The following AGL variants were observed in gnomAD, a reference collection of about 807,000 sequenced individuals.
AGL encodes the protein glycogen debranching enzyme.
A neutral mutation model predicts 199.3 loss-of-function variants in AGL; 128 were observed. The ratio of observed to expected loss-of-function variants is 0.64; its 90% CI spans 0.56 to 0.74. The LOEUF is 0.74. Ranked by LOEUF, AGL falls within the 30% of genes least tolerant of loss-of-function variation. The probability of loss-of-function intolerance (pLI) is 0.00; values close to 1 mark genes in which losing one functional copy is unlikely to be tolerated. For synonymous variants in AGL, 584 were observed against 594.7 expected, an observed-to-expected ratio of 0.98 and a Z score of 0.26; for missense variants, 1,809 against 1,820.8, an observed-to-expected ratio of 0.99 and a Z score of 0.12.
chr1:99,899,432 A>G (rs985825554), intron 25 of AGL, among the ~76,000 whole-genome samples: 3 of 152,122 alleles, frequency 2.0e-5, no homozygotes, highest in Admixed American at 1.3e-4. Context: ...AATGCTTTAA[A>G]AAATTAACTG....
At chr1:99,867,895 C>T (rs560652033) in intron 5 of AGL, among the ~76,000 whole-genome samples, 1 of 152,272 alleles carries the variant, frequency 6.6e-6, no homozygotes, top group South Asian at 2.1e-4. Flanking sequence ...CCCCTACTTG[C>T]AGAGCTGACA....
At chr1:99,874,852 A>G (rs1402814916) in intron 8 of AGL, 42 bp downstream of exon 8, 1 of 1,597,874 alleles carries the variant, frequency 6.3e-7, no homozygotes, top group Non-Finnish European at 8.6e-7. Flanking sequence ...AATATTACTT[A>G]CAAACCTTTA....
rs1652909398 is a variant in AGL at position 99,891,651 on chromosome 1, C to T, written c.2995C>T (p.Pro999Ser). ...QAMFFYLKQI[P>S]RYLIPCYFDA... ...TATGTTCTTCTACCTGAAGCAGATC[C>T]CACGTTACCTTATCCCATGTTACTT... The change falls in exon 23 of 34, where the codon CCA (proline) becomes TCA (serine). Residue 999 changes from proline (P) to serine (S), a missense_variant. Pro to Ser is a moderately conservative substitution (Grantham distance 74, BLOSUM62 -1). Transcript: ENST00000361915. 2 of 1,613,420 alleles carry T rather than the reference C, an allele frequency of 1.2e-6. No homozygotes were observed. Among genetic ancestry groups the T allele is most frequent in the Admixed American group, 1.7e-5 (1 of 59,956 alleles).
chr1:99,856,388 CTCCCTCCT>C (rs1649457836), intron 2 of AGL, among the ~76,000 whole-genome samples: 1 of 132,896 alleles, frequency 7.5e-6, no homozygotes, highest in Non-Finnish European at 1.6e-5. Flanking sequence ...TCCTCCCTCC[CTCCCTCCT>C]TCCTTCTTTC....
At chr1:99,908,023 TAA>T (rs1654451908) in intron 27 of AGL, among the ~76,000 whole-genome samples, 1 of 152,180 alleles carries the variant, frequency 6.6e-6, no homozygotes, top group Non-Finnish European at 1.5e-5. Flanking sequence ...TGATTTTGAT[TAA>T]GTCCAATTTA....
chr1:99,915,687 C>T (rs998839110), intron 31 of AGL, among the ~76,000 whole-genome samples: 1 of 151,836 alleles, frequency 6.6e-6, no homozygotes, highest in Non-Finnish European at 1.5e-5. Flanking sequence ...AGGAGTATCA[C>T]TTGAGCCCAG....
At chr1:99,878,239 G>A (rs530516733) in intron 12 of AGL, among the ~76,000 whole-genome samples, 1 of 152,096 alleles carries the variant, frequency 6.6e-6, no homozygotes, top group African/African-American at 2.4e-5. Context: ...CAGCTACTCG[G>A]GCGGCTGAGG....
chr1:99,888,026 A>G lies in AGL; in HGVS notation c.2730A>G (p.Arg910=). The change falls in exon 21 of 34, where the codon CGA becomes CGG. Residue 910 remains arginine, a synonymous_variant. Transcript: ENST00000361915. The part of the protein sequence containing the change: ...TLAELNQILY[R]CESEEKEDGG... ...CTGAGCTAAATCAGATCCTTTACCG[A>G]TGTGAATCAGAAGAAAAGGAAGATG... 1 of 1,613,558 alleles carries G rather than the reference A, an allele frequency of 6.2e-7. No homozygotes were observed. The highest frequency in any genetic ancestry group is 8.5e-7 in the Non-Finnish European group (1 of 1,179,666).
intron 2 of AGL, among the ~76,000 whole-genome samples, chr1:99,860,496 G>C (rs1057445583): frequency 1.3e-5 from 2 of 152,106 alleles, no homozygotes; most frequent in African/African-American, 4.8e-5. Flanking sequence ...AAGGTTTAAA[G>C]TCTGCTTTAA....
rs893650939 is a variant in AGL at position 99,912,386 on chromosome 1, A to G, written c.3837-19A>G. On this transcript the variant is annotated intron_variant, in intron 28 of 33. Coordinates refer to ENST00000361915, the MANE Select transcript of AGL (RefSeq NM_000642.3). ...AAGGACGCCAACTTAAAGAATAAAA[A>G]TACGTTTTTTAATTTTAGAGATGGG... 6.2e-7 allele frequency: 1 copy of G among 1,602,506 alleles called. No individual in the cohort carries two copies. Among genetic ancestry groups the G allele is most frequent in the Non-Finnish European group, 8.5e-7 (1 of 1,169,834 alleles).
chr1:99,919,732 A>G (rs776078482), intron 33 of AGL, among the ~76,000 whole-genome samples: 1 of 152,160 alleles, frequency 6.6e-6, no homozygotes, highest in African/African-American at 2.4e-5. Flanking sequence ...TTTTCCAACA[A>G]TGAATAACCT....
chr1:99,865,295 A>G (rs144244155), intron 5 of AGL, among the ~76,000 whole-genome samples: 131 of 152,312 alleles, frequency 8.6e-4, no homozygotes, highest in African/African-American at 3.0e-3. Flanking sequence ...TGGATCCTAT[A>G]TTAGCAGGAG....
chr1:99,862,523 A>T, intron 4 of AGL, 100 bp downstream of exon 4: 1 of 1,303,070 alleles, frequency 7.7e-7, no homozygotes, highest in Admixed American at 1.8e-5. Flanking sequence ...CCATTCTCTC[A>T]TTGCAGTAAA....
rs375412979 is a variant in AGL at position 99,877,672 on chromosome 1, T to C, written c.1455T>C (p.Ile485=). 2.5e-6 allele frequency: 4 copies of C among 1,613,960 alleles called. No individual in the cohort carries two copies. The African/African-American group carries it at 5.3e-5, about 22-fold the overall frequency. The part of the protein sequence containing the change: ...GSEVYLRREL[I]CWGDSVKLRY... The stretch of plus-strand genomic sequence containing the variant: ...AAGTTTACCTAAGGAGAGAACTTAT[T>C]TGCTGGGGAGACAGTGTTAAATTAC... Residue 485 remains isoleucine (I), a synonymous_variant, in exon 12 of 34, where the codon ATT becomes ATC. Transcript: ENST00000361915.
chr1:99,913,636 A>G lies in AGL; in HGVS notation c.4059A>G (p.Pro1353=). 6.2e-7 allele frequency: 1 copy of G among 1,614,130 alleles called. No individual in the cohort carries two copies. Among genetic ancestry groups the G allele is most frequent in the Non-Finnish European group, 8.5e-7 (1 of 1,179,998 alleles). Residue 1353 remains proline (P), a synonymous_variant, in exon 30 of 34, where the codon CCA becomes CCG. Coordinates refer to ENST00000361915, the MANE Select transcript of AGL (RefSeq NM_000642.3). ...CTTCAGATTTAAATGAAAAGCATCC[A>G]AATCTGGTTCACAAACGTGGCATAT... The part of the protein sequence containing the change: ...EDPSDLNEKH[P]NLVHKRGIYK...
chr1:99,915,347 G>C (rs1031952938), intron 30 of AGL, 42 bp from the exon 31 acceptor site: 1 of 1,483,616 alleles, frequency 6.7e-7, no homozygotes, highest in African/African-American at 1.4e-5. Context: ...TAATTCTTCT[G>C]TGATCTTAAA....
intron 33 of AGL, among the ~76,000 whole-genome samples, chr1:99,916,946 T>C (rs940948325): frequency 3.0e-4 from 45 of 152,316 alleles, no homozygotes; most frequent in African/African-American, 7.9e-4. Flanking sequence ...GTCTTGATAT[T>C]GTGCGATTTA....
At chr1:99,897,350 C>G (rs1474681678) in intron 25 of AGL, among the ~76,000 whole-genome samples, 1 of 152,178 alleles carries the variant, frequency 6.6e-6, no homozygotes, top group Non-Finnish European at 1.5e-5. Flanking sequence ...CACAAGGTCT[C>G]TGGATGATTA....
chr1:99,876,347 A>G, intron 10 of AGL, 111 bp from the exon 11 acceptor site: 2 of 867,916 alleles, frequency 2.3e-6, no homozygotes, highest in Non-Finnish European at 3.5e-6. Context: ...ATAGCATCAA[A>G]CTTATTTTAT....
Sources: gnomAD v4.1 joint callset for allele counts (sites outside exome capture counted in the v4.1 genomes callset) on GRCh38, gnomAD v4.1.1 for gene constraint, MANE v1.5 for transcripts, NCBI Gene and HGNC (gene_info 2026-07-23, HGNC 2026-07-21) for gene names.